The following DPP6 variants were observed in gnomAD, a reference collection of about 807,000 sequenced individuals.
DPP6 encodes the protein dipeptidyl peptidase like 6, also known as A-type potassium channel modulatory protein DPP6.
DPP6 carries 69 observed loss-of-function variants against 122.6 expected under a neutral mutation model. That is an observed-to-expected ratio of 0.56 (90% CI 0.46 to 0.69). The LOEUF (loss-of-function observed/expected upper bound fraction) is 0.69. Ranked by LOEUF, DPP6 falls within the 30% of genes least tolerant of loss-of-function variation. The probability of loss-of-function intolerance (pLI) is 0.00; values close to 1 mark genes in which losing one functional copy is unlikely to be tolerated. For missense variants in DPP6, 928 were observed against 1,116.9 expected (o/e 0.83, Z 2.41); for synonymous variants, 418 against 433.1 (o/e 0.97, Z 0.43).
chr7:154,152,122 A>G (rs1796455624), intron 1 of DPP6, among the ~76,000 whole-genome samples: 1 of 150,576 alleles, frequency 6.6e-6, no homozygotes, highest in African/African-American at 2.5e-5. Context: ...AGTAGTTTGG[A>G]GAGACTTTTC....
At chr7:153,924,449 TGTTTGATGATG>T (rs1206540575) in intron 1 of DPP6, among the ~76,000 whole-genome samples, 1 of 152,106 alleles carries the variant, frequency 6.6e-6, no homozygotes, top group Non-Finnish European at 1.5e-5. Context: ...TTGATATTGG[TGTTTGATGATG>T]ATGACAATGA....
the DPP6 span, among the ~76,000 whole-genome samples, chr7:153,794,681 G>A: frequency 6.6e-6 from 1 of 152,102 alleles, no homozygotes; most frequent in Non-Finnish European, 1.5e-5. Flanking sequence ...GCCAGGGATG[G>A]AATGATATGG....
intron 8 of DPP6, among the ~76,000 whole-genome samples, chr7:154,740,501 C>T (rs183169038): frequency 4.1e-4 from 63 of 152,236 alleles, no homozygotes; most frequent in African/African-American, 1.5e-3. Context: ...GTATTCTAAC[C>T]TTTTTGGGCC....
chr7:154,367,688 A>T (rs1017095490), intron 1 of DPP6, among the ~76,000 whole-genome samples: 2 of 152,264 alleles, frequency 1.3e-5, no homozygotes, highest in Non-Finnish European at 2.9e-5. Flanking sequence ...TAAGTAATAC[A>T]GCAGAAGAGG....
intron 7 of DPP6, among the ~76,000 whole-genome samples, chr7:154,676,566 CTG>C (rs1437509741): frequency 6.6e-5 from 10 of 152,270 alleles, no homozygotes; most frequent in African/African-American, 2.2e-4. Flanking sequence ...CACACAGACA[CTG>C]TACCCACACC....
chr7:154,545,002 G>A (rs1356299222), intron 4 of DPP6, among the ~76,000 whole-genome samples: 2 of 152,176 alleles, frequency 1.3e-5, no homozygotes, highest in African/African-American at 2.4e-5. Context: ...TCATGAAGCT[G>A]GATGTAGCCT....
In DPP6 at chr7:154,488,337, A is replaced by G. The variant is rs112855895; in HGVS notation, c.457+13300A>G. Among the ~76,000 whole-genome samples the G allele has an allele frequency of 3.2e-3, 484 of 152,052 alleles. 2 individuals are homozygous for G. Among genetic ancestry groups the G allele is most frequent in the African/African-American group, 0.011 (469 of 41,486 alleles). On this transcript the variant is annotated intron_variant, in intron 3 of 25. Transcript: ENST00000377770. The stretch of plus-strand genomic sequence containing the variant: ...CCCCGTCTCTACTAAAAATACAAAA[A>G]AAGTTAGCCGGGCGTGGTGGCGGGT...
intron 1 of DPP6, among the ~76,000 whole-genome samples, chr7:154,040,700 AT>A (rs906445906): frequency 1.3e-5 from 2 of 152,042 alleles, no homozygotes; most frequent in African/African-American, 2.4e-5. Context: ...TGCTGAAAGT[AT>A]TTTTTCCCAC....
At chr7:154,804,039 C>A in intron 14 of DPP6, 84 bp downstream of exon 14, 2 of 1,483,580 alleles carry the variant, frequency 1.3e-6, no homozygotes, top group Non-Finnish European at 1.8e-6. Flanking sequence ...TTATGGAGTA[C>A]AGGAGCACAG....
At chr7:154,008,977 T>G (rs1219686406) in intron 1 of DPP6, among the ~76,000 whole-genome samples, 1 of 141,002 alleles carries the variant, frequency 7.1e-6, no homozygotes, top group Non-Finnish European at 1.5e-5. Context: ...GAATATTATT[T>G]CTAACTCACA....
intron 1 of DPP6, among the ~76,000 whole-genome samples, chr7:154,184,773 GTGCCTGTTTGA>G (rs1798271631): frequency 6.6e-6 from 1 of 151,832 alleles, no homozygotes; most frequent in Non-Finnish European, 1.5e-5. Flanking sequence ...AGGTTCAGTC[GTGCCTGTTTGA>G]TGCCTTACTA....
chr7:154,313,568 G>C (rs931566907), intron 1 of DPP6, among the ~76,000 whole-genome samples: 4 of 150,948 alleles, frequency 2.6e-5, no homozygotes. Context: ...ATCTAGGCAT[G>C]TTTTGATAGG....
intron 5 of DPP6, among the ~76,000 whole-genome samples, chr7:154,607,561 CAA>C (rs1162220684): frequency 0.054 from 1,204 of 22,176 alleles, 10 homozygotes; most frequent in East Asian, 0.38. Context: ...GACTCTGTCT[CAA>C]AAAAAAAAAA....
At chr7:153,856,984 G>A in the DPP6 span, among the ~76,000 whole-genome samples, 18 of 152,096 alleles carry the variant, frequency 1.2e-4, no homozygotes, top group South Asian at 4.1e-4. Context: ...TTTTCAAAAC[G>A]TCTGAATAAT....
chr7:153,797,348 G>A, the DPP6 span, among the ~76,000 whole-genome samples: 1 of 152,178 alleles, frequency 6.6e-6, no homozygotes, highest in African/African-American at 2.4e-5. Context: ...AGAAAACGGG[G>A]AAAGTAAAGA....
intron 1 of DPP6, among the ~76,000 whole-genome samples, chr7:154,332,881 C>T (rs566902904): frequency 6.6e-6 from 1 of 152,290 alleles, no homozygotes; most frequent in East Asian, 1.9e-4. Flanking sequence ...ACTTTGGAAG[C>T]ACCATAATTG....
intron 1 of DPP6, among the ~76,000 whole-genome samples, chr7:154,237,644 T>G (rs959019872): frequency 2.6e-5 from 4 of 152,120 alleles, no homozygotes; most frequent in Non-Finnish European, 4.4e-5. Context: ...AACCCTCATC[T>G]CCTTCTTCTT....
chr7:154,426,825 A>C (rs960006124), intron 1 of DPP6, among the ~76,000 whole-genome samples: 13 of 152,012 alleles, frequency 8.6e-5, no homozygotes, highest in South Asian at 4.1e-4. Context: ...AAAAAAAAAA[A>C]AAAAAACTGA....
chr7:154,464,183 C>T (rs529666352), intron 2 of DPP6, among the ~76,000 whole-genome samples: 8 of 152,298 alleles, frequency 5.3e-5, no homozygotes, highest in Admixed American at 2.0e-4. Flanking sequence ...CTCAGTGCTC[C>T]GTCCGTGGGA....
Sources: gnomAD v4.1 joint callset for allele counts (sites outside exome capture counted in the v4.1 genomes callset) on GRCh38, gnomAD v4.1.1 for gene constraint, MANE v1.5 for transcripts, NCBI Gene and HGNC (gene_info 2026-07-23, HGNC 2026-07-21) for gene names.